SLIT3: variants seen among roughly 807,000 people sequenced by gnomAD.
SLIT3 encodes slit homolog 3 protein.
In SLIT3, 68 loss-of-function variants were observed where a neutral mutation model predicts 184.0. The ratio of observed to expected loss-of-function variants is 0.37; its 90% confidence interval spans 0.30 to 0.45. The LOEUF (loss-of-function observed/expected upper bound fraction) is 0.45, where lower values mean the gene tolerates loss of function less well. Ranked by LOEUF, SLIT3 falls within the 20% of genes least tolerant of loss-of-function variation. The pLI, the probability that SLIT3 is intolerant of heterozygous loss-of-function variation, is 1.00. For synonymous variants in SLIT3, 831 were observed against 828.6 expected, an observed-to-expected ratio of 1.00 and a Z score of -0.05; for missense variants, 1,707 against 2,026.0, an observed-to-expected ratio of 0.84 and a Z score of 3.02.
intron 4 of SLIT3, among the ~76,000 whole-genome samples, chr5:169,049,097 G>A (rs909864939): frequency 5.3e-5 from 8 of 152,200 alleles, no homozygotes; most frequent in Non-Finnish European, 8.8e-5. Flanking sequence ...ACGGCAGGCA[G>A]GGCCATTACC....
intron 32 of SLIT3, among the ~76,000 whole-genome samples, chr5:168,673,654 G>A (rs1761322770): frequency 6.6e-6 from 1 of 152,188 alleles, no homozygotes; most frequent in Non-Finnish European, 1.5e-5. Context: ...CCTAAGGACA[G>A]AGATATTCTC....
chr5:169,172,713 C>T (rs1211842265), intron 4 of SLIT3, among the ~76,000 whole-genome samples: 1 of 152,162 alleles, frequency 6.6e-6, no homozygotes, highest in African/African-American at 2.4e-5. Context: ...TCTTACAGCA[C>T]AACTTCCCAT....
In SLIT3 at chr5:169,175,111, G is replaced by A. The variant is rs79826786; in HGVS notation, c.413+18368C>T. Among the ~76,000 whole-genome samples, 57 of 152,312 alleles carry A rather than the reference G, an allele frequency of 3.7e-4. 2 individuals are homozygous for A. The East Asian group carries it at 7.7e-3, about 21-fold the overall frequency. On this transcript the variant is annotated intron_variant, in intron 4 of 35. Transcript: ENST00000519560. ...ACAATGAACAATGACGGCAATGATG[G>A]AAAGCTTGGGTCTGTGTCTTAGTCA...
At chr5:168,865,911 A>G (rs1414706236) in intron 5 of SLIT3, among the ~76,000 whole-genome samples, 1 of 152,230 alleles carries the variant, frequency 6.6e-6, no homozygotes, top group East Asian at 1.9e-4. Flanking sequence ...TAAACAAAAT[A>G]CTAATAATAT....
intron 4 of SLIT3, among the ~76,000 whole-genome samples, chr5:169,056,456 C>A (rs1758004179): frequency 6.6e-6 from 1 of 152,168 alleles, no homozygotes; most frequent in South Asian, 2.1e-4. Context: ...GAGGCCCAGG[C>A]ATAACTGATT....
rs1435562026 is a variant in SLIT3, at chr5:169,300,256, C to T, written c.197+257G>A. On this transcript the variant is annotated intron_variant, in intron 1 of 35. Transcript: ENST00000519560. This position sits in a 1 kb window ranked among gnomAD's most constrained non-coding sequence, Gnocchi z 4.1. ...TCAGCTACTCCTTGGAAGCTGTCAG[C>T]GGGCCCTGCGTCTGGAACCCTCACC... Among the ~76,000 whole-genome samples, 1 of 152,238 alleles carries T rather than the reference C, an allele frequency of 6.6e-6. No homozygotes were observed. Among genetic ancestry groups the T allele is most frequent in the Non-Finnish European group, 1.5e-5 (1 of 68,050 alleles).
chr5:169,016,039 C>T (rs1161013776), intron 4 of SLIT3, among the ~76,000 whole-genome samples: 1 of 150,336 alleles, frequency 6.7e-6, no homozygotes, highest in Non-Finnish European at 1.5e-5. Flanking sequence ...TTTCTTCTTT[C>T]CTCTCTTTGT....
At chr5:168,831,799 T>C (rs1377402669) in intron 6 of SLIT3, among the ~76,000 whole-genome samples, 2 of 152,242 alleles carry the variant, frequency 1.3e-5, no homozygotes, top group African/African-American at 4.8e-5. Flanking sequence ...TACAGATTCC[T>C]TAACAAAAGG....
intron 3 of SLIT3, among the ~76,000 whole-genome samples, chr5:169,207,429 A>G (rs1434698435): frequency 6.6e-6 from 1 of 150,810 alleles, no homozygotes; most frequent in African/African-American, 2.4e-5. Flanking sequence ...CACCAAGTCC[A>G]TCCTGAAAAG....
At chr5:169,266,865 T>A (rs1266569401) in intron 1 of SLIT3, among the ~76,000 whole-genome samples, 3 of 152,192 alleles carry the variant, frequency 2.0e-5, no homozygotes, top group Non-Finnish European at 2.9e-5. Context: ...AATAAACTGA[T>A]CCCCTAGGGT....
chr5:169,298,265 G>A (rs1767574524), intron 1 of SLIT3, among the ~76,000 whole-genome samples: 1 of 152,102 alleles, frequency 6.6e-6, no homozygotes, highest in Admixed American at 6.5e-5. Context: ...CTCCTGCTCT[G>A]CCACTGCCTA....
At chr5:169,292,597 C>T (rs1344980156) in intron 1 of SLIT3, among the ~76,000 whole-genome samples, 3 of 152,054 alleles carry the variant, frequency 2.0e-5, no homozygotes, top group Non-Finnish European at 4.4e-5. Flanking sequence ...GAAAAAAATG[C>T]ACAGAGAACT....
intron 6 of SLIT3, among the ~76,000 whole-genome samples, chr5:168,836,547 C>T (rs924180297): frequency 6.6e-6 from 1 of 152,122 alleles, no homozygotes; most frequent in Admixed American, 6.5e-5. Flanking sequence ...AATCTTTCTC[C>T]AAACATGGAG....
At chr5:169,051,293 T>A (rs77839436) in intron 4 of SLIT3, among the ~76,000 whole-genome samples, 7,628 of 152,194 alleles carry the variant, frequency 0.05, 278 homozygotes, top group East Asian at 0.16. Context: ...AGCCTTTTTT[T>A]TTTTCCCCTC....
intron 4 of SLIT3, among the ~76,000 whole-genome samples, chr5:169,036,869 C>T (rs753871168): frequency 2.6e-5 from 4 of 152,148 alleles, no homozygotes; most frequent in Non-Finnish European, 4.4e-5. Context: ...GAGAGCAAAG[C>T]GCTGGTTTCT....
chr5:168,822,985 A>T (rs553712654), intron 7 of SLIT3, among the ~76,000 whole-genome samples: 32 of 152,308 alleles, frequency 2.1e-4, no homozygotes, highest in Admixed American at 3.9e-4. Context: ...ACATGCACAC[A>T]ACACAGGAAG....
At chr5:169,117,151 A>C (rs1048414377) in intron 4 of SLIT3, among the ~76,000 whole-genome samples, 1 of 152,162 alleles carries the variant, frequency 6.6e-6, no homozygotes, top group African/African-American at 2.4e-5. Flanking sequence ...GTGGAATGAG[A>C]AGGTACCAAG....
chr5:168,956,772 A>G (rs1179958049), intron 4 of SLIT3, among the ~76,000 whole-genome samples: 1 of 152,054 alleles, frequency 6.6e-6, no homozygotes, highest in African/African-American at 2.4e-5. Context: ...CAGCCTGGTG[A>G]CAGAGTGACA....
Position 169,160,427 on chromosome 5 carries a change from G to A in SLIT3, c.413+33052C>T, listed in dbSNP as rs533617803. Among the ~76,000 whole-genome samples the A allele has an allele frequency of 5.3e-5, 8 of 152,198 alleles. No individual in the cohort carries two copies. In the East Asian group the frequency reaches 1.5e-3, roughly 29 times the overall value. On this transcript the variant is annotated intron_variant, in intron 4 of 35. Coordinates refer to ENST00000519560, the MANE Select transcript of SLIT3 (RefSeq NM_003062.4). ...GTGAAATACCTAAGAAAAAAGAGAC[G>A]TGTCCATTCCTCTTAGCCTGGGTGA...
Sources: allele counts gnomAD v4.1 joint callset (sites outside exome capture counted in the v4.1 genomes callset), GRCh38; gene constraint gnomAD v4.1.1; non-coding constraint Gnocchi (gnomAD v3.1); transcripts MANE v1.5; gene names NCBI Gene and HGNC (gene_info 2026-07-23, HGNC 2026-07-21).